Variants in ZNF365 observed in about 807,000 individuals in gnomAD.
The protein encoded by ZNF365 is zinc finger protein 365.
Under a neutral mutation model 35.0 loss-of-function variants are expected in ZNF365, and 22 were observed. The ratio of observed to expected loss-of-function variants is 0.63; its 90% CI spans 0.45 to 0.90. The LOEUF is 0.90. Among genes scored for constraint, ZNF365 ranks in the 40% least tolerant of loss-of-function variants. The pLI, the probability that ZNF365 is intolerant of heterozygous loss-of-function variation, is 0.00. For synonymous variants in ZNF365, 188 were observed against 196.2 expected, an observed-to-expected ratio of 0.96 and a Z score of 0.35; for missense variants, 448 against 500.3, an observed-to-expected ratio of 0.90 and a Z score of 1.00.
chr10:62,399,921 G>T lies in ZNF365; in HGVS notation c.*132G>T. 1 of 1,421,162 alleles carries T rather than the reference G, an allele frequency of 7.0e-7. No homozygotes were observed. Among genetic ancestry groups the T allele is most frequent in the Non-Finnish European group, 9.2e-7 (1 of 1,085,668 alleles). The allele number at this position is 1,421,162 out of a possible 1,614,324, so 88.0% of individuals were successfully genotyped here. ...AAAGCCAAGGGCATAACACAGGCAA[G>T]CACCTCAATTAACCAGAGCTTAGCA... On this transcript the variant is annotated 3_prime_UTR_variant, in exon 5 of 5. Coordinates refer to ENST00000395254, the MANE Select transcript of ZNF365 (RefSeq NM_014951.3).
At chr10:62,423,822 A>G (rs1341715047) in intron 3 of ZNF365, among the ~76,000 whole-genome samples, 2 of 152,174 alleles carry the variant, frequency 1.3e-5, no homozygotes, top group Non-Finnish European at 2.9e-5. Context: ...AGAGGAAATA[A>G]TTATAATAAT....
chr10:62,462,737 TG>T (rs1437247938), intron 4 of ZNF365, among the ~76,000 whole-genome samples: 7 of 152,162 alleles, frequency 4.6e-5, no homozygotes, highest in African/African-American at 1.7e-4. Context: ...GCCAGCTTGG[TG>T]GGCTGGTTAC....
At chr10:62,461,795 A>G (rs1046504800) in intron 4 of ZNF365, among the ~76,000 whole-genome samples, 1 of 152,250 alleles carries the variant, frequency 6.6e-6, no homozygotes, top group Non-Finnish European at 1.5e-5. Context: ...AGGGAAAAAA[A>G]TCTTACAAAA....
chr10:62,438,009 C>T (rs1022729764), intron 3 of ZNF365, among the ~76,000 whole-genome samples: 2 of 152,096 alleles, frequency 1.3e-5, no homozygotes, highest in Non-Finnish European at 2.9e-5. Flanking sequence ...TGGTGCTGGA[C>T]AGCTTTGTAG....
intron 3 of ZNF365, among the ~76,000 whole-genome samples, chr10:62,436,957 A>T (rs1840417334): frequency 6.6e-6 from 1 of 152,182 alleles, no homozygotes; most frequent in Non-Finnish European, 1.5e-5. Flanking sequence ...TTCAAACAAG[A>T]CCTATAAGCA....
intron 3 of ZNF365, among the ~76,000 whole-genome samples, chr10:62,447,555 G>T (rs1840610778): frequency 6.6e-6 from 1 of 152,118 alleles, no homozygotes; most frequent in African/African-American, 2.4e-5. Context: ...TGCTAGTTTT[G>T]ATTTGAGAAT....
chr10:62,407,770 A>G (rs932192222), intron 3 of ZNF365, among the ~76,000 whole-genome samples: 2 of 152,224 alleles, frequency 1.3e-5, no homozygotes, highest in African/African-American at 4.8e-5. Context: ...CTATGGTAAG[A>G]TAGAAAATAC....
intron 3 of ZNF365, among the ~76,000 whole-genome samples, chr10:62,412,201 A>G (rs1398403500): frequency 2.0e-5 from 3 of 152,182 alleles, no homozygotes; most frequent in Admixed American, 2.0e-4. Context: ...GATTATCTCA[A>G]TAGATGCAGA....
intron 4 of ZNF365, among the ~76,000 whole-genome samples, chr10:62,472,750 A>G (rs1841063615): frequency 6.6e-6 from 1 of 152,112 alleles, no homozygotes; most frequent in African/African-American, 2.4e-5. Flanking sequence ...TTCCTTGCCT[A>G]TTTTACATTT....
intron 3 of ZNF365, among the ~76,000 whole-genome samples, chr10:62,432,011 C>A (rs557894128): frequency 6.6e-6 from 1 of 152,238 alleles, no homozygotes; most frequent in Non-Finnish European, 1.5e-5. Context: ...TGAGCATGGG[C>A]AAATCACTTT....
At chr10:62,392,721 C>T (rs1839652481) in intron 3 of ZNF365, among the ~76,000 whole-genome samples, 1 of 152,134 alleles carries the variant, frequency 6.6e-6, no homozygotes, top group Admixed American at 6.5e-5. Flanking sequence ...ACCTCCACCT[C>T]TCGGGTTCAA....
chr10:62,399,451 A>C, intron 4 of ZNF365, 77 bp from the exon 5 acceptor site: 1 of 1,555,984 alleles, frequency 6.4e-7, no homozygotes, highest in East Asian at 2.3e-5. Context: ...TGCCATGAGT[A>C]ATTATTCTTT....
chr10:62,416,127 C>A (rs1309230156), intron 3 of ZNF365, among the ~76,000 whole-genome samples: 1 of 152,016 alleles, frequency 6.6e-6, no homozygotes, highest in Non-Finnish European at 1.5e-5. Context: ...CCTTTGCATT[C>A]TATTTCTTAG....
At position 62,376,734 on chromosome 10, in the gene ZNF365, G is replaced by C. The variant is rs1445817247; in HGVS notation, c.541G>C (p.Asp181His). 2 of 1,614,052 alleles carry C rather than the reference G, an allele frequency of 1.2e-6. No homozygotes were observed. The highest frequency in any genetic ancestry group is 2.2e-5 in the East Asian group (1 of 44,884). ...AVDRTIEKRI[D>H]KLTKELAQKT... ...GGATAGGACCATTGAGAAGAGAATTGATAAACTCACCAAAGAGTTGGCCCA... is the reference window on the plus strand; with the variant it reads ...GGATAGGACCATTGAGAAGAGAATTCATAAACTCACCAAAGAGTTGGCCCA... The change falls in exon 2 of 5, where the codon GAT becomes CAT. Residue 181 changes from aspartate (D) to histidine (H), a missense_variant. Around this residue, in one of 3 missense-constraint regions of ZNF365, gnomAD observed 362 missense variants for 375.7 expected, o/e 0.96. Coordinates refer to ENST00000395254, the MANE Select transcript of ZNF365 (RefSeq NM_014951.3).
At chr10:62,433,585 A>C (rs931520777) in intron 3 of ZNF365, among the ~76,000 whole-genome samples, 2 of 152,134 alleles carry the variant, frequency 1.3e-5, no homozygotes, top group Non-Finnish European at 2.9e-5. Flanking sequence ...TCACCAGATA[A>C]ACCAAGTGAT....
chr10:62,438,677 C>A (rs1339495459), intron 3 of ZNF365, among the ~76,000 whole-genome samples: 3 of 152,168 alleles, frequency 2.0e-5, no homozygotes, highest in African/African-American at 7.2e-5. Flanking sequence ...CTTTGCTATT[C>A]TCTTATGTAA....
chr10:62,443,973 A>G (rs1840544133), intron 3 of ZNF365, among the ~76,000 whole-genome samples: 1 of 152,186 alleles, frequency 6.6e-6, no homozygotes, highest in Non-Finnish European at 1.5e-5. Flanking sequence ...GGGTACATTC[A>G]TCTGTTCCAC....
At chr10:62,442,410 AC>A (rs1840515568) in intron 3 of ZNF365, among the ~76,000 whole-genome samples, 1 of 152,228 alleles carries the variant, frequency 6.6e-6, no homozygotes. Flanking sequence ...GAGCAATCAA[AC>A]TACATTCTTT....
At chr10:62,417,668 T>C (rs1038704231) in intron 3 of ZNF365, among the ~76,000 whole-genome samples, 2 of 32,884 alleles carry the variant, frequency 6.1e-5, no homozygotes, top group Non-Finnish European at 1.2e-4. Flanking sequence ...CTCCTGTCTT[T>C]TTTTTTTTAA....
Sources: gnomAD v4.1 joint callset for allele counts (sites outside exome capture counted in the v4.1 genomes callset) on GRCh38, gnomAD v4.1.1 for gene constraint, gnomAD v4.1.1 regional missense constraint, MANE v1.5 for transcripts, NCBI Gene and HGNC (gene_info 2026-07-23, HGNC 2026-07-21) for gene names.